ARHGAP10: variants seen among roughly 807,000 people sequenced by gnomAD.
ARHGAP10 encodes Rho GTPase activating protein 10, also known as rho GTPase-activating protein 10.
In ARHGAP10, 87 loss-of-function variants were observed where a neutral mutation model predicts 108.6. The observed-to-expected ratio is 0.80, with a 90% confidence interval of 0.67 to 0.96. The LOEUF is 0.96. Ranked by LOEUF, ARHGAP10 falls within the 40% of genes least tolerant of loss-of-function variation. ARHGAP10 has a pLI of 0.00. For synonymous variants in ARHGAP10, 347 were observed against 341.1 expected (o/e 1.02, Z -0.19); for missense variants, 939 against 954.5 (o/e 0.98, Z 0.21).
intron 18 of ARHGAP10, among the ~76,000 whole-genome samples, chr4:148,020,380 A>C (rs547367304): frequency 9.2e-5 from 14 of 151,982 alleles, no homozygotes; most frequent in Non-Finnish European, 1.8e-4. Context: ...GGTTTGCTGC[A>C]CGTATCAACC....
At chr4:147,823,633 C>T (rs1024338795) in intron 3 of ARHGAP10, among the ~76,000 whole-genome samples, 2 of 152,000 alleles carry the variant, frequency 1.3e-5, no homozygotes, top group Non-Finnish European at 2.9e-5. Context: ...GGCATGTGCC[C>T]ATGGTCCCAG....
At chr4:147,919,225 T>C (rs1177618401) in intron 13 of ARHGAP10, among the ~76,000 whole-genome samples, 1 of 152,218 alleles carries the variant, frequency 6.6e-6, no homozygotes, top group Non-Finnish European at 1.5e-5. Flanking sequence ...AAATAACAAA[T>C]AATAAATATA....
intron 16 of ARHGAP10, among the ~76,000 whole-genome samples, chr4:147,961,278 T>G (rs1738982562): frequency 6.6e-6 from 1 of 152,228 alleles, no homozygotes; most frequent in African/African-American, 2.4e-5. Context: ...TGTTGTTAAC[T>G]TCTGTTTCAC....
At chr4:148,020,771 T>G (rs1190753325) in intron 18 of ARHGAP10, among the ~76,000 whole-genome samples, 2 of 152,348 alleles carry the variant, frequency 1.3e-5, no homozygotes, top group East Asian at 3.9e-4. Context: ...GCGTGTATCT[T>G]TATAACAGAA....
intron 1 of ARHGAP10, among the ~76,000 whole-genome samples, chr4:147,787,826 G>A (rs1730954318): frequency 6.6e-6 from 1 of 152,116 alleles, no homozygotes. Context: ...ATGATGCCTG[G>A]GGGGAAGACA....
chr4:147,982,044 T>G (rs1302031103), intron 18 of ARHGAP10, among the ~76,000 whole-genome samples: 1 of 152,174 alleles, frequency 6.6e-6, no homozygotes, highest in Non-Finnish European at 1.5e-5. Context: ...TTATTTTTAG[T>G]CTTTTTTCAA....
intron 1 of ARHGAP10, among the ~76,000 whole-genome samples, chr4:147,740,969 A>G (rs946505875): frequency 1.7e-4 from 26 of 152,232 alleles, no homozygotes; most frequent in African/African-American, 5.8e-4. Context: ...CATAAACAAT[A>G]TATAATGTGT....
At chr4:147,960,390 A>C (rs1738948002) in intron 16 of ARHGAP10, among the ~76,000 whole-genome samples, 1 of 152,218 alleles carries the variant, frequency 6.6e-6, no homozygotes, top group African/African-American at 2.4e-5. Flanking sequence ...TTAGGGGTGT[A>C]AACTGGAACA....
intron 15 of ARHGAP10, among the ~76,000 whole-genome samples, chr4:147,954,831 T>C (rs757182504): frequency 2.6e-4 from 40 of 152,038 alleles, no homozygotes; most frequent in African/African-American, 5.6e-4. Context: ...TCTCATCTTA[T>C]AGGAATAAAG....
intron 18 of ARHGAP10, among the ~76,000 whole-genome samples, chr4:147,982,361 C>CT (rs1578756907): frequency 1.6e-5 from 2 of 123,958 alleles, no homozygotes; most frequent in African/African-American, 6.2e-5. Context: ...TCTTTTCTTT[C>CT]TTTCTTTTTT....
At chr4:148,054,676 T>C (rs1486183061) in intron 20 of ARHGAP10, among the ~76,000 whole-genome samples, 1 of 152,236 alleles carries the variant, frequency 6.6e-6, no homozygotes, top group Non-Finnish European at 1.5e-5. Context: ...TCCTAGCCTC[T>C]TGCTTTGGGG....
intron 1 of ARHGAP10, among the ~76,000 whole-genome samples, chr4:147,745,637 GC>G (rs1337636684): frequency 6.6e-6 from 1 of 151,776 alleles, no homozygotes; most frequent in Admixed American, 6.6e-5. Context: ...GACTACAGGC[GC>G]CCACAACCAC....
chr4:147,878,330 C>T (rs1261889884), intron 8 of ARHGAP10, among the ~76,000 whole-genome samples: 1 of 152,134 alleles, frequency 6.6e-6, no homozygotes, highest in African/African-American at 2.4e-5. Context: ...CTCCTGACTT[C>T]GTGATCCACC....
At chr4:147,972,197 A>G (rs992020519) in intron 18 of ARHGAP10, among the ~76,000 whole-genome samples, 3 of 152,196 alleles carry the variant, frequency 2.0e-5, no homozygotes, top group Non-Finnish European at 2.9e-5. Context: ...AGTTAAAGAC[A>G]TGAGATTGGC....
rs151222491 is a variant in ARHGAP10, at chr4:147,908,011, T to A, written c.1116+1292T>A. Among the ~76,000 whole-genome samples, 637 of 152,214 alleles carry A rather than the reference T, an allele frequency of 4.2e-3. 1 individual carries two copies. Among genetic ancestry groups the A allele is most frequent in the Non-Finnish European group, 6.9e-3 (470 of 67,998 alleles). ...GTGTGTGTCACCATGCCCAGCTAAT[T>A]TTTGTAATTTTTAGTAGAGACAGGG... On this transcript the variant is annotated intron_variant, in intron 11 of 22. Coordinates refer to ENST00000336498, the MANE Select transcript of ARHGAP10 (RefSeq NM_024605.4).
intron 15 of ARHGAP10, among the ~76,000 whole-genome samples, chr4:147,950,033 C>A (rs1180781822): frequency 2.0e-5 from 3 of 152,106 alleles, no homozygotes; most frequent in African/African-American, 7.2e-5. Context: ...TTGCTTCATC[C>A]TATGGAATTT....
intron 18 of ARHGAP10, 57 bp downstream of exon 18, chr4:147,966,896 A>C (rs1457066079): frequency 2.2e-6 from 3 of 1,349,880 alleles, no homozygotes; most frequent in Non-Finnish European, 3.0e-6. Context: ...CATGTACTAC[A>C]CAACGATCCT....
intron 5 of ARHGAP10, 128 bp from the exon 6 acceptor site, chr4:147,864,718 A>G: frequency 5.8e-6 from 4 of 686,220 alleles, no homozygotes; most frequent in Non-Finnish European, 9.9e-6. Context: ...CCTGTGTTGC[A>G]ATACTTTATT....
intron 1 of ARHGAP10, among the ~76,000 whole-genome samples, chr4:147,815,514 C>T (rs1288727118): frequency 6.6e-6 from 1 of 151,996 alleles, no homozygotes; most frequent in Non-Finnish European, 1.5e-5. Context: ...ATCGTAGGGC[C>T]CATTGTAATC....
Sources: allele counts gnomAD v4.1 joint callset (sites outside exome capture counted in the v4.1 genomes callset), GRCh38; gene constraint gnomAD v4.1.1; transcripts MANE v1.5; gene names NCBI Gene and HGNC (gene_info 2026-07-23, HGNC 2026-07-21).